The following LTBP1 variants were observed in gnomAD, a reference collection of about 807,000 sequenced individuals.
LTBP1 encodes latent transforming growth factor beta binding protein 1.
Under a neutral mutation model 207.6 loss-of-function variants are expected in LTBP1, and 129 were observed. The ratio of observed to expected loss-of-function variants is 0.62; its 90% CI spans 0.54 to 0.72. LTBP1 has a LOEUF of 0.72. LTBP1 is among the 30% of genes least tolerant of loss of function. The probability of loss-of-function intolerance (pLI) is 0.00; values close to 1 mark genes in which losing one functional copy is unlikely to be tolerated. For missense variants in LTBP1, 2,281 were observed against 2,217.2 expected (o/e 1.03, Z -0.58); for synonymous variants, 963 against 833.7 (o/e 1.16, Z -2.67).
At chr2:33,299,240 CAA>C (rs1300938977) in intron 20 of LTBP1, among the ~76,000 whole-genome samples, 28 of 78,800 alleles carry the variant, frequency 3.6e-4, no homozygotes, top group East Asian at 4.0e-4. Context: ...GACTCTGTCT[CAA>C]AAAAAAAAAA....
intron 2 of LTBP1, among the ~76,000 whole-genome samples, chr2:33,019,369 C>G (rs969600508): frequency 2.2e-5 from 3 of 134,964 alleles, no homozygotes; most frequent in African/African-American, 8.3e-5. Context: ...CCAAGTTTCC[C>G]TCTGTCATCC....
intron 3 of LTBP1, among the ~76,000 whole-genome samples, chr2:33,021,502 A>G (rs1028905336): frequency 1.3e-5 from 2 of 152,222 alleles, no homozygotes; most frequent in Non-Finnish European, 2.9e-5. Context: ...TATTTTTGAT[A>G]AAGTTGTTAG....
At chr2:33,347,233 C>A in intron 25 of LTBP1, 134 bp from the exon 26 acceptor site, 1 of 856,042 alleles carries the variant, frequency 1.2e-6, no homozygotes, top group Non-Finnish European at 1.8e-6. Flanking sequence ...CCTAAAAGAG[C>A]AGAAGGGGTT....
At chr2:33,360,856 C>A in intron 27 of LTBP1, 77 bp downstream of exon 27, 2 of 1,353,784 alleles carry the variant, frequency 1.5e-6, no homozygotes, top group Middle Eastern at 1.9e-4. Flanking sequence ...TGATAACACT[C>A]ATTCCCACAG....
rs989509273 is a variant in LTBP1, at chr2:33,242,363, G to A, written c.1877-1299G>A. 1.8e-4 allele frequency among the ~76,000 whole-genome samples: 27 copies of A among 151,812 alleles called. 1 individual carries two copies. Among genetic ancestry groups the A allele is most frequent in the South Asian group, 2.1e-4 (1 of 4,804 alleles). ...ATTTATATCTCTCCTCTTTCAAATC[G>A]CTTTGATTTCCCCCTGGATCTCCAT... On this transcript the variant is annotated intron_variant, in intron 9 of 33. Coordinates refer to ENST00000404816, the MANE Select transcript of LTBP1 (RefSeq NM_206943.4).
chr2:33,312,571 G>C (rs1207187533), intron 23 of LTBP1, among the ~76,000 whole-genome samples: 2 of 152,096 alleles, frequency 1.3e-5, no homozygotes, highest in Non-Finnish European at 2.9e-5. Context: ...CTTTCAGCTT[G>C]AAGTTACTAG....
chr2:33,000,033 G>C (rs1392992203), intron 2 of LTBP1, among the ~76,000 whole-genome samples: 1 of 134,234 alleles, frequency 7.4e-6, no homozygotes, highest in African/African-American at 2.6e-5. Flanking sequence ...AGTATCAGTA[G>C]GGCTTGGGAA....
Position 33,275,804 on chromosome 2 carries a change from T to C in LTBP1, c.2873T>C (p.Val958Ala), listed in dbSNP as rs566145239. ...CAATGCTATCTGCTCTTCGTAGATGTTGACGAATGCCTGAGGCCGGACGTC... is the reference window on the plus strand; with the variant it reads ...CAATGCTATCTGCTCTTCGTAGATGCTGACGAATGCCTGAGGCCGGACGTC... ...ASEEGTNCID[V>A]DECLRPDVCG... The change falls in exon 18 of 34, where the codon GTT becomes GCT. Residue 958 changes from valine to alanine, a missense_variant. Physicochemically the swap from Val to Ala is moderately conservative, Grantham distance 64. Around this residue, in one of 3 missense-constraint regions of LTBP1, gnomAD observed 1,671 missense variants for 1,634.8 expected, o/e 1.02. Transcript: ENST00000404816. 110 of 1,614,068 alleles carry C rather than the reference T, an allele frequency of 6.8e-5. 1 individual carries two copies. In the South Asian group the frequency reaches 1.2e-3, roughly 17 times the overall value.
intron 24 of LTBP1, among the ~76,000 whole-genome samples, chr2:33,324,806 A>C (rs1426864436): frequency 1.4e-5 from 2 of 145,146 alleles, no homozygotes; most frequent in African/African-American, 5.2e-5. Flanking sequence ...GGTTCAAGTG[A>C]TTCTCCTGCC....
intron 26 of LTBP1, among the ~76,000 whole-genome samples, chr2:33,359,074 T>G (rs1232294383): frequency 6.6e-6 from 1 of 152,182 alleles, no homozygotes; most frequent in Non-Finnish European, 1.5e-5. Flanking sequence ...GCATTTGAGT[T>G]TTTCCTGGAC....
chr2:32,947,464 G>T lies in LTBP1; in HGVS notation c.140G>T (p.Gly47Val). Residue 47 changes from glycine to valine, a missense_variant, in exon 1 of 34, where the codon GGG (glycine) becomes GTG (valine). Physicochemically the swap from Gly to Val is moderately radical, Grantham distance 109. This residue lies in a region of LTBP1 where 555 missense variants were observed against 491.0 expected (regional missense o/e 1.13). Coordinates refer to ENST00000404816, the MANE Select transcript of LTBP1 (RefSeq NM_206943.4). ...GLAAGALPLS[G>V]PPRSRTFNVA... ...GCAGCCGGCGCCTTGCCCCTGAGCG[G>T]GCCCCCGCGTTCGCGGACATTCAAC... is the stretch of plus-strand genomic sequence containing the variant. 1 of 1,444,152 alleles carries T rather than the reference G, an allele frequency of 6.9e-7. No individual in the cohort carries two copies. Among genetic ancestry groups the T allele is most frequent in the South Asian group, 1.3e-5 (1 of 75,094 alleles). The allele number at this position is 1,444,152 out of a possible 1,614,324, so 89.5% of individuals were successfully genotyped here.
At chr2:32,993,969 A>AGT (rs70938383) in intron 2 of LTBP1, among the ~76,000 whole-genome samples, 13,232 of 138,322 alleles carry the variant, frequency 0.096, 651 homozygotes, top group African/African-American at 0.13. Flanking sequence ...CAGTTAGGGG[A>AGT]GTGTGTGTGT....
chr2:33,379,315 T>A (rs2095185384), intron 31 of LTBP1, among the ~76,000 whole-genome samples: 1 of 149,596 alleles, frequency 6.7e-6, no homozygotes, highest in South Asian at 2.2e-4. Flanking sequence ...GTTCAAGCAA[T>A]TCTCCTGCCT....
At chr2:33,374,634 A>T (rs536934954) in intron 31 of LTBP1, among the ~76,000 whole-genome samples, 2 of 152,314 alleles carry the variant, frequency 1.3e-5, no homozygotes, top group Admixed American at 1.3e-4. Context: ...TGAAATGGCC[A>T]GTAAGCCAGT....
intron 3 of LTBP1, among the ~76,000 whole-genome samples, chr2:33,047,937 C>T (rs1410220461): frequency 6.6e-6 from 1 of 152,046 alleles, no homozygotes; most frequent in Non-Finnish European, 1.5e-5. Context: ...GGATTGCAAC[C>T]TCTGCTTTTT....
chr2:32,958,460 C>T (rs1324871174), intron 2 of LTBP1, among the ~76,000 whole-genome samples: 1 of 152,124 alleles, frequency 6.6e-6, no homozygotes, highest in Non-Finnish European at 1.5e-5. Flanking sequence ...TTTGATGCTC[C>T]CTAAGCACTC....
intron 5 of LTBP1, among the ~76,000 whole-genome samples, chr2:33,163,204 C>G (rs2084613514): frequency 6.6e-6 from 1 of 152,158 alleles, no homozygotes. Context: ...GTCTTGAACT[C>G]CTAGGCTCAA....
chr2:32,960,276 T>C (rs1678879191), intron 2 of LTBP1, among the ~76,000 whole-genome samples: 1 of 152,144 alleles, frequency 6.6e-6, no homozygotes, highest in Non-Finnish European at 1.5e-5. Flanking sequence ...GCTTGTCACA[T>C]TGCATCACAG....
At chr2:32,994,506 G>T (rs189063887) in intron 2 of LTBP1, among the ~76,000 whole-genome samples, 4 of 148,442 alleles carry the variant, frequency 2.7e-5, no homozygotes, top group African/African-American at 1.0e-4. Context: ...CGCTCTTGTT[G>T]CCCAGGCTGG....
Sources: gnomAD v4.1 joint callset for allele counts (sites outside exome capture counted in the v4.1 genomes callset) on GRCh38, gnomAD v4.1.1 for gene constraint, gnomAD v4.1.1 regional missense constraint, MANE v1.5 for transcripts, NCBI Gene and HGNC (gene_info 2026-07-23, HGNC 2026-07-21) for gene names.